The following GRXCR1 variants were observed in gnomAD, a reference collection of about 807,000 sequenced individuals.
GRXCR1 encodes the protein glutaredoxin and cysteine rich domain containing 1.
Under a neutral mutation model 27.3 loss-of-function variants are expected in GRXCR1, and 27 were observed. The observed-to-expected ratio is 0.99, with a 90% CI of 0.73 to 1.37. The LOEUF (loss-of-function observed/expected upper bound fraction) is 1.37. GRXCR1 is among the 40% of genes most tolerant of loss of function. The pLI is 0.00. For synonymous variants in GRXCR1, 122 were observed against 131.1 expected (o/e 0.93, Z 0.47); for missense variants, 379 against 354.4 (o/e 1.07, Z -0.56).
chr4:42,899,484 A>G (rs1577897051), intron 1 of GRXCR1, among the ~76,000 whole-genome samples: 1 of 152,096 alleles, frequency 6.6e-6, no homozygotes, highest in African/African-American at 2.4e-5. Flanking sequence ...TTGTTGGTTT[A>G]CCAGCCTCTA....
chr4:42,984,020 G>C (rs969526076), intron 2 of GRXCR1, among the ~76,000 whole-genome samples: 4 of 151,950 alleles, frequency 2.6e-5, no homozygotes, highest in African/African-American at 9.7e-5. Context: ...ACCTTTAGTA[G>C]AGATGGGTTT....
intron 1 of GRXCR1, among the ~76,000 whole-genome samples, chr4:42,945,926 A>T (rs998768567): frequency 6.6e-6 from 1 of 152,150 alleles, no homozygotes; most frequent in Non-Finnish European, 1.5e-5. Flanking sequence ...TTAATTGTAA[A>T]CAAGTTTTTC....
At chr4:42,902,235 G>T (rs1448967919) in intron 1 of GRXCR1, among the ~76,000 whole-genome samples, 1 of 152,118 alleles carries the variant, frequency 6.6e-6, no homozygotes, top group African/African-American at 2.4e-5. Context: ...AGCAACAAAT[G>T]TTTGGTTTAG....
chr4:42,916,979 G>T (rs2109748469), intron 1 of GRXCR1, among the ~76,000 whole-genome samples: 1 of 152,228 alleles, frequency 6.6e-6, no homozygotes, highest in African/African-American at 2.4e-5. Context: ...AGGATCAATA[G>T]ATTGACAAAT....
At chr4:42,906,841 A>G (rs908468232) in intron 1 of GRXCR1, among the ~76,000 whole-genome samples, 3 of 152,202 alleles carry the variant, frequency 2.0e-5, no homozygotes, top group Admixed American at 1.3e-4. Flanking sequence ...TAAACTGACA[A>G]CAAACCAAAG....
intron 1 of GRXCR1, among the ~76,000 whole-genome samples, chr4:42,954,648 GATAA>G (rs1311866263): frequency 1.3e-5 from 2 of 152,116 alleles, no homozygotes; most frequent in African/African-American, 4.8e-5. Flanking sequence ...GCAGTCATGT[GATAA>G]ATAATTATTT....
chr4:43,002,127 G>A (rs1712387796), intron 2 of GRXCR1, among the ~76,000 whole-genome samples: 1 of 152,232 alleles, frequency 6.6e-6, no homozygotes, highest in African/African-American at 2.4e-5. Flanking sequence ...CAGTTCCCAG[G>A]GGCAGGCAGG....
intron 1 of GRXCR1, among the ~76,000 whole-genome samples, chr4:42,926,479 A>G (rs1747160464): frequency 6.7e-6 from 1 of 149,570 alleles, no homozygotes; most frequent in African/African-American, 2.4e-5. Flanking sequence ...CACCATTCAC[A>G]GATTTGGGAA....
At chr4:42,969,977 C>T (rs576099402) in intron 2 of GRXCR1, among the ~76,000 whole-genome samples, 1 of 152,194 alleles carries the variant, frequency 6.6e-6, no homozygotes, top group Non-Finnish European at 1.5e-5. Context: ...GATAAAGGCT[C>T]CCATTCAAAA....
At chr4:43,009,356 T>C (rs1292089852) in intron 2 of GRXCR1, among the ~76,000 whole-genome samples, 1 of 152,194 alleles carries the variant, frequency 6.6e-6, no homozygotes, top group African/African-American at 2.4e-5. Flanking sequence ...TTAATATAAA[T>C]TTTTAAATTT....
chr4:42,959,736 G>A (rs955663716), intron 1 of GRXCR1, among the ~76,000 whole-genome samples: 1 of 151,788 alleles, frequency 6.6e-6, no homozygotes, highest in Non-Finnish European at 1.5e-5. Context: ...TAGATCTGGG[G>A]CGAGGCCTGT....
intron 3 of GRXCR1, 150 bp downstream of exon 3, chr4:43,020,569 G>C: frequency 1.5e-6 from 1 of 676,898 alleles, no homozygotes; most frequent in Non-Finnish European, 2.7e-6. Flanking sequence ...GATATCTTCT[G>C]TTATTAGGTT....
At chr4:43,001,559 G>T (rs1235891826) in intron 2 of GRXCR1, among the ~76,000 whole-genome samples, 3 of 151,826 alleles carry the variant, frequency 2.0e-5, no homozygotes, top group African/African-American at 4.8e-5. Flanking sequence ...AAAAACACAT[G>T]TCCTCGGTGT....
At chr4:43,028,432 A>C (rs1329742520) in intron 3 of GRXCR1, among the ~76,000 whole-genome samples, 1 of 152,218 alleles carries the variant, frequency 6.6e-6, no homozygotes, top group African/African-American at 2.4e-5. Flanking sequence ...ATCTATTTAC[A>C]ATCTAGCAGT....
intron 2 of GRXCR1, among the ~76,000 whole-genome samples, chr4:42,970,514 G>A (rs976827869): frequency 2.6e-5 from 4 of 152,140 alleles, no homozygotes; most frequent in African/African-American, 9.7e-5. Context: ...ACACCATGTG[G>A]AAGCTGCCAA....
chr4:42,922,329 C>T (rs1292203180), intron 1 of GRXCR1, among the ~76,000 whole-genome samples: 6 of 152,060 alleles, frequency 3.9e-5, no homozygotes, highest in East Asian at 1.9e-4. Flanking sequence ...TCACACTAAC[C>T]GTGACCTCCT....
chr4:42,926,000 A>G (rs770381512), intron 1 of GRXCR1, among the ~76,000 whole-genome samples: 1 of 152,004 alleles, frequency 6.6e-6, no homozygotes, highest in Non-Finnish European at 1.5e-5. Flanking sequence ...TTCACTGAAC[A>G]TTTCCAAGCT....
At chr4:42,985,390 T>A (rs1446264952) in intron 2 of GRXCR1, among the ~76,000 whole-genome samples, 1 of 152,124 alleles carries the variant, frequency 6.6e-6, no homozygotes, top group Non-Finnish European at 1.5e-5. Flanking sequence ...ACCTGTAACA[T>A]TTTTTCAAGG....
chr4:42,965,226 T>G (rs1748210561), intron 2 of GRXCR1, among the ~76,000 whole-genome samples: 1 of 152,074 alleles, frequency 6.6e-6, no homozygotes. Context: ...GTGATCACTT[T>G]ATTTATACAC....
Sources: gnomAD v4.1 joint callset for allele counts (sites outside exome capture counted in the v4.1 genomes callset) on GRCh38, gnomAD v4.1.1 for gene constraint, MANE v1.5 for transcripts, NCBI Gene and HGNC (gene_info 2026-07-23, HGNC 2026-07-21) for gene names.